SNX29: variants seen among roughly 807,000 people sequenced by gnomAD.
SNX29 encodes sorting nexin 29.
SNX29 carries 78 observed loss-of-function variants against 102.1 expected under a neutral mutation model. That is an observed-to-expected ratio of 0.76 (90% confidence interval 0.64 to 0.92). SNX29 has a LOEUF of 0.92. Ranked by LOEUF, SNX29 falls within the 40% of genes least tolerant of loss-of-function variation. The pLI is 0.00. For synonymous variants in SNX29, 580 were observed against 414.5 expected (o/e 1.40, Z -4.85); for missense variants, 1,280 against 1,061.7 (o/e 1.21, Z -2.86).
intron 20 of SNX29, among the ~76,000 whole-genome samples, chr16:12,551,484 G>A (rs1018420914): frequency 1.5e-4 from 23 of 152,186 alleles, no homozygotes; most frequent in African/African-American, 5.6e-4. Context: ...CCTGGTTAAT[G>A]CAACATTAAT....
intron 18 of SNX29, among the ~76,000 whole-genome samples, chr16:12,424,935 G>A (rs543677476): frequency 2.0e-5 from 3 of 152,332 alleles, no homozygotes; most frequent in South Asian, 2.1e-4. Flanking sequence ...ACCCTAACAT[G>A]CCCGTCCATA....
intron 16 of SNX29, among the ~76,000 whole-genome samples, chr16:12,386,437 C>T (rs2083343713): frequency 6.6e-6 from 1 of 152,300 alleles, no homozygotes; most frequent in African/African-American, 2.4e-5. Flanking sequence ...ACTTGCCCTG[C>T]TCACAGAGCT....
At chr16:12,046,832 C>T (rs553689151) in intron 6 of SNX29, among the ~76,000 whole-genome samples, 5 of 152,138 alleles carry the variant, frequency 3.3e-5, no homozygotes, top group African/African-American at 9.7e-5. Flanking sequence ...TTGGTCAGGC[C>T]GGTCTCGAAA....
rs79704896 is a variant in SNX29, at chr16:12,361,937, A to T, written c.1899+5658A>T. On this transcript the variant is annotated intron_variant, in intron 16 of 20. Transcript: ENST00000566228. ...TTCTAGGTATGAGTGATGCCTCAGT[A>T]CACCGCTTTATTGCGCCTATACATG... Among the ~76,000 whole-genome samples, 162 of 139,774 alleles carry T rather than the reference A, an allele frequency of 1.2e-3. 1 individual carries two copies. The East Asian group carries it at 0.034, about 30-fold the overall frequency. The allele number at this position is 139,774 out of a possible 152,430, so 91.7% of individuals were successfully genotyped here. A position where few individuals can be genotyped will look rare whatever the true frequency, so the allele number is the denominator to read the frequency against.
chr16:12,542,323 C>T (rs753755336), intron 20 of SNX29, among the ~76,000 whole-genome samples: 11 of 152,216 alleles, frequency 7.2e-5, no homozygotes, highest in Non-Finnish European at 1.3e-4. Flanking sequence ...TTTAGAGCTG[C>T]TGTTAGAGCA....
chr16:12,512,385 T>C (rs1205350864), intron 19 of SNX29, among the ~76,000 whole-genome samples: 2 of 84,160 alleles, frequency 2.4e-5, no homozygotes, highest in African/African-American at 1.3e-4. Flanking sequence ...TATATATATA[T>C]ATATATATAT....
intron 8 of SNX29, chr16:12,052,512 C>T (rs756971191): frequency 1.6e-4 from 59 of 363,438 alleles, no homozygotes; most frequent in Non-Finnish European, 2.8e-4. Flanking sequence ...CCACCACGCC[C>T]AGCCTTCCCT....
At chr16:12,032,190 T>C (rs1167959575) in intron 4 of SNX29, among the ~76,000 whole-genome samples, 1 of 145,918 alleles carries the variant, frequency 6.9e-6, no homozygotes, top group Admixed American at 6.8e-5. Context: ...AGAATTTCCT[T>C]CTTCTTCTTC....
chr16:12,273,398 G>A (rs1370726473), intron 14 of SNX29, among the ~76,000 whole-genome samples: 1 of 148,570 alleles, frequency 6.7e-6, no homozygotes, highest in Non-Finnish European at 1.5e-5. Context: ...TCCTCTTGTT[G>A]CTCAGGCTGT....
intron 20 of SNX29, chr16:12,560,940 C>A (rs1055073394): frequency 4.3e-5 from 9 of 207,248 alleles, no homozygotes; most frequent in Non-Finnish European, 8.9e-5. Context: ...GTGTTGGGAT[C>A]CGGAGAACCA....
intron 15 of SNX29, among the ~76,000 whole-genome samples, chr16:12,291,365 C>T (rs959816269): frequency 2.0e-5 from 3 of 152,170 alleles, no homozygotes; most frequent in African/African-American, 7.2e-5. Context: ...GCCCCTTATA[C>T]AACTGTCAGA....
chr16:12,014,147 C>T (rs1259331312), intron 3 of SNX29, among the ~76,000 whole-genome samples: 2 of 152,054 alleles, frequency 1.3e-5, no homozygotes, highest in Admixed American at 1.3e-4. Flanking sequence ...TTTGTTCTCT[C>T]AGGCTGTGGA....
chr16:12,537,586 C>G (rs915749723), intron 20 of SNX29, among the ~76,000 whole-genome samples: 1 of 152,142 alleles, frequency 6.6e-6, no homozygotes, highest in Non-Finnish European at 1.5e-5. Flanking sequence ...GTTTTTACTT[C>G]TTTGTTCAAA....
intron 3 of SNX29, among the ~76,000 whole-genome samples, chr16:12,011,538 G>A (rs535356572): frequency 1.3e-5 from 2 of 152,250 alleles, no homozygotes; most frequent in South Asian, 2.1e-4. Context: ...GCCTCCCAAA[G>A]TGCTGGGATT....
intron 19 of SNX29, among the ~76,000 whole-genome samples, chr16:12,507,603 G>A (rs1391255938): frequency 6.6e-6 from 1 of 152,108 alleles, no homozygotes; most frequent in Admixed American, 6.5e-5. Flanking sequence ...AACTTTTTCT[G>A]CAAAGGGCCA....
Position 12,477,863 on chromosome 16 carries a change from C to G in SNX29, c.2178+4C>G. ...CAAAAAGGCCATTGGAAACAAGGTA[C>G]CATCCCGTGCTGGGAAGCCCACTTG... On this transcript the variant is annotated splice_donor_region_variant and intron_variant, in intron 19 of 20. Coordinates refer to ENST00000566228, the MANE Select transcript of SNX29 (RefSeq NM_032167.5). 6.3e-7 allele frequency: 1 copy of G among 1,591,136 alleles called. No individual in the cohort carries two copies. Among genetic ancestry groups the G allele is most frequent in the Non-Finnish European group, 8.5e-7 (1 of 1,171,868 alleles).
intron 13 of SNX29, among the ~76,000 whole-genome samples, chr16:12,172,113 T>A (rs2076162809): frequency 6.6e-6 from 1 of 152,246 alleles, no homozygotes; most frequent in South Asian, 2.1e-4. Flanking sequence ...GCAGTGTTTT[T>A]ATAGACTTAA....
intron 11 of SNX29, among the ~76,000 whole-genome samples, chr16:12,111,578 G>A (rs185545836): frequency 1.2e-4 from 18 of 152,320 alleles, no homozygotes; most frequent in Admixed American, 6.5e-4. Context: ...AGGAAAGCAA[G>A]TGCCTGCTTC....
chr16:12,527,367 AAAAT>A (rs2076814601), intron 20 of SNX29: 1 of 506,112 alleles, frequency 2.0e-6, no homozygotes, highest in African/African-American at 1.9e-5. Flanking sequence ...AAAAAAATAA[AAAAT>A]AAAAATCTCC....
Sources: allele counts gnomAD v4.1 joint callset (sites outside exome capture counted in the v4.1 genomes callset), GRCh38; gene constraint gnomAD v4.1.1; transcripts MANE v1.5; gene names NCBI Gene and HGNC (gene_info 2026-07-23, HGNC 2026-07-21).